The following CUX1 variants were observed in gnomAD, a reference collection of about 807,000 sequenced individuals.
The protein encoded by CUX1 is cut like homeobox 1, also known as protein CASP.
In CUX1, 31 loss-of-function variants were observed where a neutral mutation model predicts 158.8. The observed-to-expected ratio is 0.20, with a 90% CI of 0.15 to 0.26. CUX1 has a LOEUF of 0.26. Ranked by LOEUF, CUX1 falls within the 10% of genes least tolerant of loss-of-function variation. The pLI, the probability that CUX1 is intolerant of heterozygous loss-of-function variation, is 1.00. For missense variants in CUX1, 1,589 were observed against 2,014.6 expected, an observed-to-expected ratio of 0.79 and a Z score of 4.04; for synonymous variants, 879 against 862.1, an observed-to-expected ratio of 1.02 and a Z score of -0.34.
At chr7:102,155,048 T>G (rs1473701039) in intron 8 of CUX1, among the ~76,000 whole-genome samples, 1 of 152,192 alleles carries the variant, frequency 6.6e-6, no homozygotes, top group Non-Finnish European at 1.5e-5. Flanking sequence ...ATCTTTTAAA[T>G]CTATGACATA....
At chr7:101,852,596 C>T (rs965829445) in intron 1 of CUX1, among the ~76,000 whole-genome samples, 2 of 150,386 alleles carry the variant, frequency 1.3e-5, no homozygotes, top group Non-Finnish European at 2.9e-5. Flanking sequence ...CCAGCCTGGG[C>T]GACAGAGCAA....
At chr7:102,067,790 G>A (rs755861307) in intron 3 of CUX1, among the ~76,000 whole-genome samples, 1 of 151,468 alleles carries the variant, frequency 6.6e-6, no homozygotes, top group African/African-American at 2.4e-5. Context: ...CTGTAATCTC[G>A]CCTGACCCCT....
At chr7:101,962,483 C>T (rs568806713) in intron 2 of CUX1, among the ~76,000 whole-genome samples, 4 of 152,262 alleles carry the variant, frequency 2.6e-5, no homozygotes, top group African/African-American at 9.6e-5. Context: ...CCATAGAGGC[C>T]GGAGATAACG....
At chr7:101,987,079 A>G (rs945190431) in intron 2 of CUX1, among the ~76,000 whole-genome samples, 1 of 152,126 alleles carries the variant, frequency 6.6e-6, no homozygotes, top group Non-Finnish European at 1.5e-5. Context: ...GCCTCAGCTC[A>G]GGCCTTGCCA....
Position 102,252,673 on chromosome 7 carries a change from T to G in CUX1, c.*3631T>G, listed in dbSNP as rs1801641638. On this transcript the variant is annotated 3_prime_UTR_variant, in exon 24 of 24. Coordinates refer to ENST00000292535, the MANE Select transcript of CUX1 (RefSeq NM_181552.4). Reference sequence around the variant, plus strand: ...ATAGCCGAGATGGCAGGTGTGTGAGTTCTGTCCTAGACCTGTGCCCAACTC... The same window carrying G: ...ATAGCCGAGATGGCAGGTGTGTGAGGTCTGTCCTAGACCTGTGCCCAACTC... 1.0e-6 allele frequency: 1 copy of G among 985,276 alleles called. No individual in the cohort carries two copies. The highest frequency in any genetic ancestry group is 1.2e-6 in the Non-Finnish European group (1 of 829,944). 61.0% of individuals were successfully genotyped at this position (985,276 alleles called of 1,614,324 possible).
At chr7:102,155,626 G>T (rs538074675) in intron 8 of CUX1, among the ~76,000 whole-genome samples, 1 of 152,214 alleles carries the variant, frequency 6.6e-6, no homozygotes, top group African/African-American at 2.4e-5. Context: ...GTGTCTGAAG[G>T]AGTTTACGCT....
chr7:102,064,069 G>A (rs967006584), intron 3 of CUX1, among the ~76,000 whole-genome samples: 16 of 152,334 alleles, frequency 1.1e-4, no homozygotes, highest in Middle Eastern at 3.4e-3. Context: ...GTGACTGGGT[G>A]TGGCAGGAGT....
intron 2 of CUX1, among the ~76,000 whole-genome samples, chr7:101,943,946 G>A (rs562724731): frequency 2.9e-5 from 4 of 139,344 alleles, no homozygotes; most frequent in East Asian, 2.0e-4. Context: ...TAGCGAGACC[G>A]CGTCTCTATT....
rs555810465 is a variant in CUX1, at chr7:101,877,951, C to T, written c.31-38164C>T. On this transcript the variant is annotated intron_variant, in intron 1 of 23. Transcript: ENST00000292535. ...TGCAAGCTTATCTGCAGGGGGAAGC[C>T]GATTTGCAGGACTCATTCCTATAGG... Among the ~76,000 whole-genome samples, 17 of 152,174 alleles carry T rather than the reference C, an allele frequency of 1.1e-4. No homozygotes were observed. The East Asian group carries it at 2.5e-3, about 22-fold the overall frequency.
intron 18 of CUX1, among the ~76,000 whole-genome samples, chr7:102,279,166 C>T (rs1201989741): frequency 6.6e-6 from 1 of 152,074 alleles, no homozygotes; most frequent in East Asian, 1.9e-4. Flanking sequence ...CATAGTGAAA[C>T]CCCGTCTCTA....
At chr7:102,241,463 C>A (rs1554534941) in intron 23 of CUX1, among the ~76,000 whole-genome samples, 1 of 152,090 alleles carries the variant, frequency 6.6e-6, no homozygotes, top group Admixed American at 6.5e-5. Flanking sequence ...GGCAGTGGGG[C>A]CCTCCCAGCT....
intron 2 of CUX1, among the ~76,000 whole-genome samples, chr7:101,987,257 C>T (rs185797570): frequency 8.3e-4 from 127 of 152,306 alleles, no homozygotes; most frequent in African/African-American, 2.8e-3. Context: ...GAAGTCCGTG[C>T]GTGAGCCACG....
rs55753644 is a variant in CUX1, at chr7:102,046,569, A to ATTTTTT, written c.189+18446_189+18451dup. The stretch of plus-strand genomic sequence containing the variant: ...CCTGTTCTGTTTTGGTTTGGTTTGG[A>ATTTTTT]TTTTTTTTTTTTTTTTTTTTTTTTT... On this transcript the variant is annotated intron_variant, in intron 3 of 23. Transcript: ENST00000292535. 1.7e-3 allele frequency among the ~76,000 whole-genome samples: 96 copies of ATTTTTT among 55,470 alleles called. 12 individuals carry two copies. The highest frequency in any genetic ancestry group is 6.8e-3 in the African/African-American group (83 of 12,212). 36.4% of individuals were successfully genotyped at this position (55,470 alleles called of 152,430 possible). A position where few individuals can be genotyped will look rare whatever the true frequency, so the allele number is the denominator to read the frequency against.
intron 2 of CUX1, among the ~76,000 whole-genome samples, chr7:101,988,221 A>AG (rs1814587535): frequency 6.9e-6 from 1 of 145,932 alleles, no homozygotes; most frequent in South Asian, 2.2e-4. Context: ...AAAAAAAAAA[A>AG]GAAGAAGAAG....
chr7:101,955,970 T>TTAGC (rs1809720982), intron 2 of CUX1, among the ~76,000 whole-genome samples: 1 of 150,862 alleles, frequency 6.6e-6, no homozygotes, highest in Admixed American at 6.6e-5. Flanking sequence ...GATCACGAGG[T>TTAGC]CAGGGGATGA....
At chr7:101,963,288 T>C (rs996975226) in intron 2 of CUX1, among the ~76,000 whole-genome samples, 1 of 152,164 alleles carries the variant, frequency 6.6e-6, no homozygotes, top group African/African-American at 2.4e-5. Flanking sequence ...TTCTGCTCAT[T>C]GGGTGGGGGA....
At chr7:102,169,747 T>G (rs78240125) in intron 9 of CUX1, among the ~76,000 whole-genome samples, 12,908 of 152,186 alleles carry the variant, frequency 0.085, 860 homozygotes, top group African/African-American at 0.18. Context: ...TGGGGGTGGT[T>G]GTTTCCTTGT....
intron 1 of CUX1, among the ~76,000 whole-genome samples, chr7:101,826,734 G>A (rs1382742130): frequency 1.3e-5 from 2 of 152,100 alleles, no homozygotes; most frequent in East Asian, 3.9e-4. Context: ...GCTTGGGGAG[G>A]TGTGGGAGAC....
chr7:102,147,335 C>T (rs1454412428), intron 8 of CUX1, among the ~76,000 whole-genome samples: 2 of 152,200 alleles, frequency 1.3e-5, no homozygotes, highest in African/African-American at 4.8e-5. Context: ...CCTCCCCTTC[C>T]CCATCAGCCT....
Sources: allele counts gnomAD v4.1 joint callset (sites outside exome capture counted in the v4.1 genomes callset), GRCh38; gene constraint gnomAD v4.1.1; transcripts MANE v1.5; gene names NCBI Gene and HGNC (gene_info 2026-07-23, HGNC 2026-07-21).